Variants in LRMDA observed in about 807,000 individuals in gnomAD.
The protein encoded by LRMDA is leucine-rich melanocyte differentiation-associated protein.
Under a neutral mutation model 29.8 loss-of-function variants are expected in LRMDA, and 18 were observed. That is an observed-to-expected ratio of 0.60 (90% CI 0.42 to 0.90). LRMDA has a LOEUF of 0.90. Ranked by LOEUF, LRMDA falls within the 40% of genes least tolerant of loss-of-function variation. The probability of loss-of-function intolerance (pLI) is 0.00; values close to 1 mark genes in which losing one functional copy is unlikely to be tolerated. For missense variants in LRMDA, 273 were observed against 273.9 expected (o/e 1.00, Z 0.02); for synonymous variants, 125 against 109.4 (o/e 1.14, Z -0.89).
intron 2 of LRMDA, among the ~76,000 whole-genome samples, chr10:75,570,840 T>C (rs1840429469): frequency 6.6e-6 from 1 of 152,228 alleles, no homozygotes; most frequent in African/African-American, 2.4e-5. Flanking sequence ...GAAGTCCTTT[T>C]TGGCCGTAAA....
intron 2 of LRMDA, chr10:75,601,433 A>G (rs1044275188): frequency 6.6e-6 from 1 of 152,220 alleles, no homozygotes; most frequent in South Asian, 2.1e-4. Flanking sequence ...GAACAATCCA[A>G]TTCTTGAGAT....
intron 5 of LRMDA, among the ~76,000 whole-genome samples, chr10:76,255,062 T>C (rs966210333): frequency 7.9e-5 from 12 of 152,224 alleles, no homozygotes; most frequent in Admixed American, 6.5e-4. Context: ...GCCAGCAACA[T>C]GATTTGTTCT....
intron 6 of LRMDA, among the ~76,000 whole-genome samples, chr10:76,377,810 G>GTGA (rs1466258572): frequency 1.3e-5 from 2 of 152,154 alleles, no homozygotes; most frequent in Non-Finnish European, 2.9e-5. Context: ...GTCAGGTAAT[G>GTGA]TGATGCCTCC....
At chr10:75,708,251 T>C (rs1398997890) in intron 2 of LRMDA, among the ~76,000 whole-genome samples, 1 of 152,202 alleles carries the variant, frequency 6.6e-6, no homozygotes, top group East Asian at 1.9e-4. Context: ...AATACCACAC[T>C]GTCAGCTTCG....
chr10:76,468,525 G>T (rs115270815), intron 6 of LRMDA, among the ~76,000 whole-genome samples: 1 of 152,164 alleles, frequency 6.6e-6, no homozygotes, highest in Non-Finnish European at 1.5e-5. Flanking sequence ...TAGAGAAGCT[G>T]TAAACCTTGC....
In LRMDA at chr10:76,320,833, A is replaced by G. The variant is rs79561507; in HGVS notation, c.517-3568A>G. ...CAGTCCTACTACACTGCCCCTTGGCAGAAGCAAACATTTTCATGAATTTAG... is the reference window on the plus strand; with the variant it reads ...CAGTCCTACTACACTGCCCCTTGGCGGAAGCAAACATTTTCATGAATTTAG... On this transcript the variant is annotated intron_variant, in intron 5 of 6. Coordinates refer to ENST00000611255, the MANE Select transcript of LRMDA (RefSeq NM_001305581.2). Among the ~76,000 whole-genome samples the G allele has an allele frequency of 8.3e-3, 1,271 of 152,358 alleles. 10 individuals carry two copies. The highest frequency in any genetic ancestry group is 0.021 in the South Asian group (99 of 4,828).
At chr10:76,036,199 C>T (rs1670124131) in intron 3 of LRMDA, 65 bp downstream of exon 3, 1 of 1,461,132 alleles carries the variant, frequency 6.8e-7, no homozygotes, top group South Asian at 1.3e-5. Flanking sequence ...CCCAACCCCA[C>T]CCTGCACAAA....
At chr10:76,372,271 AC>A (rs1268782585) in intron 6 of LRMDA, among the ~76,000 whole-genome samples, 1 of 152,164 alleles carries the variant, frequency 6.6e-6, no homozygotes, top group Non-Finnish European at 1.5e-5. Context: ...TAGCCCTGAT[AC>A]TTTTCCACTG....
chr10:76,292,073 A>G (rs920072489), intron 5 of LRMDA, among the ~76,000 whole-genome samples: 3 of 152,154 alleles, frequency 2.0e-5, no homozygotes, highest in Non-Finnish European at 4.4e-5. Flanking sequence ...CCCCCGGTGG[A>G]TGTTTACTAA....
In LRMDA at chr10:75,528,259, G is replaced by C. The variant is rs554653269; in HGVS notation, c.131+89765G>C. Among the ~76,000 whole-genome samples, 8 of 152,336 alleles carry C rather than the reference G, an allele frequency of 5.3e-5. No homozygotes were observed. The South Asian group carries it at 8.3e-4, about 16-fold the overall frequency. ...CTCTGAAAGTTGTAAGACTTCAGAT[G>C]CTATCTCTCATTCGACAACTTTGCT... is the stretch of plus-strand genomic sequence containing the variant. On this transcript the variant is annotated intron_variant, in intron 2 of 6. Transcript: ENST00000611255.
At chr10:75,682,052 A>C (rs2132153220) in intron 2 of LRMDA, among the ~76,000 whole-genome samples, 1 of 152,260 alleles carries the variant, frequency 6.6e-6, no homozygotes. Context: ...GTGACATTGT[A>C]ACTCCTTCTT....
chr10:75,576,617 G>T (rs1474365760), intron 2 of LRMDA, among the ~76,000 whole-genome samples: 1 of 152,116 alleles, frequency 6.6e-6, no homozygotes, highest in Non-Finnish European at 1.5e-5. Context: ...CTTCATACAG[G>T]AGAGCTCTGT....
At chr10:75,736,224 T>C (rs1033562012) in intron 2 of LRMDA, among the ~76,000 whole-genome samples, 7 of 152,250 alleles carry the variant, frequency 4.6e-5, no homozygotes, top group African/African-American at 1.7e-4. Flanking sequence ...TAATTTATGT[T>C]GTGCTTTGGA....
chr10:76,005,308 A>G (rs1847631040), intron 2 of LRMDA, among the ~76,000 whole-genome samples: 1 of 152,222 alleles, frequency 6.6e-6, no homozygotes, highest in African/African-American at 2.4e-5. Context: ...TGTGGAAGTG[A>G]TCCATCCTTT....
At position 75,608,009 on chromosome 10, in the gene LRMDA, A is replaced by G. The variant is rs867464680; in HGVS notation, c.131+169515A>G. 6.7e-5 allele frequency among the ~76,000 whole-genome samples: 10 copies of G among 150,304 alleles called. No homozygotes were observed. The South Asian group carries it at 1.1e-3, about 16-fold the overall frequency. Reference sequence around the variant, plus strand: ...ATGGGAGTGCAGATATCTCTTTGAGATACTGATTTTATTTCCATCAGATAT... The same window carrying G: ...ATGGGAGTGCAGATATCTCTTTGAGGTACTGATTTTATTTCCATCAGATAT... On this transcript the variant is annotated intron_variant, in intron 2 of 6. Coordinates refer to ENST00000611255, the MANE Select transcript of LRMDA (RefSeq NM_001305581.2).
intron 2 of LRMDA, among the ~76,000 whole-genome samples, chr10:75,579,141 T>C (rs1008968491): frequency 1.2e-4 from 19 of 152,198 alleles, no homozygotes; most frequent in African/African-American, 4.6e-4. Flanking sequence ...GAGCTGGTTT[T>C]TTGAAAAGAT....
chr10:75,600,661 C>G (rs919564827), intron 2 of LRMDA, among the ~76,000 whole-genome samples: 1 of 152,164 alleles, frequency 6.6e-6, no homozygotes, highest in East Asian at 1.9e-4. Flanking sequence ...GTGGGGTATA[C>G]TGCATGAAGA....
At chr10:76,412,009 G>A (rs747427106) in intron 6 of LRMDA, among the ~76,000 whole-genome samples, 12 of 152,196 alleles carry the variant, frequency 7.9e-5, no homozygotes, top group Non-Finnish European at 1.5e-4. Context: ...TTTACAAGGC[G>A]CCAGCCTCTG....
intron 2 of LRMDA, among the ~76,000 whole-genome samples, chr10:75,738,125 G>C (rs1031124242): frequency 5.9e-5 from 9 of 151,956 alleles, no homozygotes; most frequent in African/African-American, 2.2e-4. Flanking sequence ...CCCCATCCAA[G>C]TGTCCCTGCC....
Sources: allele counts gnomAD v4.1 joint callset (sites outside exome capture counted in the v4.1 genomes callset), GRCh38; gene constraint gnomAD v4.1.1; transcripts MANE v1.5; gene names NCBI Gene and HGNC (gene_info 2026-07-23, HGNC 2026-07-21).